AAMDC: variants seen among roughly 807,000 people sequenced by gnomAD.
AAMDC encodes the protein mth938 domain-containing protein.
AAMDC carries 16 observed loss-of-function variants against 15.5 expected under a neutral mutation model. The ratio of observed to expected loss-of-function variants is 1.03; its 90% CI spans 0.70 to 1.57. AAMDC has a LOEUF of 1.57. Ranked by LOEUF, AAMDC falls within the 40% of genes most tolerant of loss-of-function variation. The probability of loss-of-function intolerance (pLI) is 0.00; values close to 1 mark genes in which losing one functional copy is unlikely to be tolerated. For synonymous variants in AAMDC, 51 were observed against 51.6 expected, an observed-to-expected ratio of 0.99 and a Z score of 0.05; for missense variants, 141 against 144.9, an observed-to-expected ratio of 0.97 and a Z score of 0.14.
intron 1 of AAMDC, among the ~76,000 whole-genome samples, chr11:77,833,103 G>C (rs960649645): frequency 1.4e-5 from 2 of 145,992 alleles, no homozygotes; most frequent in African/African-American, 5.1e-5. Flanking sequence ...CTCAATCTCC[G>C]AGGTTCAAGC....
At chr11:77,892,982 T>TATC (rs1484129999) in intron 5 of AAMDC, among the ~76,000 whole-genome samples, 1 of 152,200 alleles carries the variant, frequency 6.6e-6, no homozygotes, top group Non-Finnish European at 1.5e-5. Flanking sequence ...TGTAAGAAGC[T>TATC]ATCATCACCC....
intron 1 of AAMDC, among the ~76,000 whole-genome samples, chr11:77,832,195 A>G (rs1477792347): frequency 6.6e-6 from 1 of 152,162 alleles, no homozygotes; most frequent in Non-Finnish European, 1.5e-5. Flanking sequence ...AACTGTACTT[A>G]CAATTATAGG....
chr11:77,826,476 G>C (rs773294914), intron 1 of AAMDC, among the ~76,000 whole-genome samples: 7 of 152,172 alleles, frequency 4.6e-5, no homozygotes, highest in Non-Finnish European at 7.3e-5. Flanking sequence ...ATCATCGGCA[G>C]TTTGACATCC....
intron 5 of AAMDC, chr11:77,883,775 G>A: frequency 1.3e-6 from 2 of 1,585,896 alleles, no homozygotes; most frequent in Non-Finnish European, 8.6e-7. Flanking sequence ...AACGCTTAAG[G>A]GTAGGTGTGA....
At chr11:77,873,280 G>T (rs1378823893), downstream of AAMDC, among the ~76,000 whole-genome samples, 1 of 152,166 alleles carries the variant, frequency 6.6e-6, no homozygotes, top group Non-Finnish European at 1.5e-5. Flanking sequence ...GTCATTGTAG[G>T]TATTAAATGA....
chr11:77,878,255 A>T (rs746236465), intron 5 of AAMDC, among the ~76,000 whole-genome samples: 7 of 152,068 alleles, frequency 4.6e-5, no homozygotes, highest in South Asian at 2.1e-4. Flanking sequence ...CCACCTACTC[A>T]GGAGGCTGAG....
intron 1 of AAMDC, among the ~76,000 whole-genome samples, chr11:77,824,055 A>G (rs1234252808): frequency 2.0e-5 from 3 of 152,226 alleles, no homozygotes; most frequent in Non-Finnish European, 4.4e-5. Context: ...CTTTGGCATC[A>G]GAAAGTTATA....
In AAMDC at chr11:77,865,647, G is replaced by C. The variant is rs532412656; in HGVS notation, c.133-4075G>C. Among the ~76,000 whole-genome samples, 3 of 152,312 alleles carry C rather than the reference G, an allele frequency of 2.0e-5. No homozygotes were observed. The South Asian group carries it at 6.2e-4, about 32-fold the overall frequency. On this transcript the variant is annotated intron_variant, in intron 2 of 3. Transcript: ENST00000393427. ...AAAATGGGCAGAATGGATTTTGAAA[G>C]AACAACTAGTCATCTGCCATTATGA...
intron 5 of AAMDC, chr11:77,879,152 T>G: frequency 6.2e-7 from 1 of 1,611,638 alleles, no homozygotes; most frequent in African/African-American, 1.3e-5. Flanking sequence ...AAAGAAATCC[T>G]CTATAACTAG....
At chr11:77,867,237 T>C (rs1017764782) in intron 2 of AAMDC, among the ~76,000 whole-genome samples, 4 of 152,346 alleles carry the variant, frequency 2.6e-5, no homozygotes, top group African/African-American at 9.6e-5. Context: ...CCATTTGTTA[T>C]CTCTTTGATA....
intron 1 of AAMDC, among the ~76,000 whole-genome samples, chr11:77,823,336 T>C (rs894602756): frequency 6.6e-6 from 1 of 151,402 alleles, no homozygotes; most frequent in Admixed American, 6.6e-5. Context: ...TTTTAAGCAA[T>C]TACTGAAATG....
intron 5 of AAMDC, among the ~76,000 whole-genome samples, chr11:77,878,333 G>C (rs1590988329): frequency 1.3e-5 from 2 of 150,946 alleles, no homozygotes; most frequent in South Asian, 4.2e-4. Context: ...CTGCACTCCA[G>C]CCTGAGCGAC....
chr11:77,834,267 G>C (rs892142753), intron 1 of AAMDC, among the ~76,000 whole-genome samples: 1 of 152,074 alleles, frequency 6.6e-6, no homozygotes, highest in African/African-American at 2.4e-5. Context: ...TCCCAACAAT[G>C]AACTAAACAC....
intron 2 of AAMDC, among the ~76,000 whole-genome samples, chr11:77,860,250 T>C (rs1344853286): frequency 6.6e-6 from 1 of 152,248 alleles, no homozygotes; most frequent in African/African-American, 2.4e-5. Flanking sequence ...TAAATGGGTA[T>C]TGCTTTCTGA....
rs186610089 is a variant in AAMDC, at chr11:77,851,165, G to A, written c.132+8537G>A. On this transcript the variant is annotated intron_variant, in intron 2 of 3. Transcript: ENST00000393427. Reference sequence around the variant, plus strand: ...AGACAGGGTTTCACCATCTTGGCCAGGCTGGTCTTGAACTCCTGACCTCGT... The same window carrying A: ...AGACAGGGTTTCACCATCTTGGCCAAGCTGGTCTTGAACTCCTGACCTCGT... Among the ~76,000 whole-genome samples the A allele has an allele frequency of 4.5e-3, 680 of 152,160 alleles. 4 individuals are homozygous for A. The highest frequency in any genetic ancestry group is 0.016 in the African/African-American group (648 of 41,524).
At chr11:77,845,982 C>T (rs1950129187) in intron 2 of AAMDC, among the ~76,000 whole-genome samples, 1 of 151,548 alleles carries the variant, frequency 6.6e-6, no homozygotes, top group Non-Finnish European at 1.5e-5. Flanking sequence ...TTCTTAATGT[C>T]TTTGTTGTTT....
chr11:77,862,690 T>C (rs1950933996), intron 2 of AAMDC, among the ~76,000 whole-genome samples: 1 of 152,184 alleles, frequency 6.6e-6, no homozygotes, highest in Non-Finnish European at 1.5e-5. Context: ...AATTGCGAGT[T>C]GTCTCTTAAT....
At chr11:77,874,404 G>C (rs1951543009), downstream of AAMDC, among the ~76,000 whole-genome samples, 1 of 149,096 alleles carries the variant, frequency 6.7e-6, no homozygotes, top group Non-Finnish European at 1.5e-5. Flanking sequence ...AATGTAAGGT[G>C]AGACAGCTCT....
intron 1 of AAMDC, among the ~76,000 whole-genome samples, chr11:77,822,150 A>G (rs1948937960): frequency 6.6e-6 from 1 of 152,152 alleles, no homozygotes; most frequent in South Asian, 2.1e-4. Flanking sequence ...AATTCCTAAA[A>G]AGAATTTGGC....
Sources: gnomAD v4.1 joint callset for allele counts (sites outside exome capture counted in the v4.1 genomes callset) on GRCh38, gnomAD v4.1.1 for gene constraint, MANE v1.5 for transcripts, NCBI Gene and HGNC (gene_info 2026-07-23, HGNC 2026-07-21) for gene names.